The following NDUFAF6 variants were observed in gnomAD, a reference collection of about 807,000 sequenced individuals.
NDUFAF6 encodes the protein NADH:ubiquinone oxidoreductase complex assembly factor 6.
Under a neutral mutation model 40.8 loss-of-function variants are expected in NDUFAF6, and 45 were observed. The ratio of observed to expected loss-of-function variants is 1.10; its 90% confidence interval spans 0.87 to 1.42. NDUFAF6 has a LOEUF of 1.42. Among genes scored for constraint, NDUFAF6 ranks in the 40% most tolerant of loss-of-function variants. The pLI is 0.00. For synonymous variants in NDUFAF6, 185 were observed against 155.9 expected (o/e 1.19, Z -1.39); for missense variants, 435 against 418.5 (o/e 1.04, Z -0.34).
At chr8:95,041,159 G>A (rs142708469) in intron 3 of NDUFAF6, among the ~76,000 whole-genome samples, 2,444 of 152,270 alleles carry the variant, frequency 0.016, 26 homozygotes, top group Non-Finnish European at 0.022. Context: ...GTTGAGGCAG[G>A]AAGATAATTT....
chr8:94,939,591 T>G, intron 1 of NDUFAF6: 1 of 390,448 alleles, frequency 2.6e-6, no homozygotes, highest in Non-Finnish European at 4.9e-6. Flanking sequence ...ACAGACGGGG[T>G]TTCACCATGT....
At chr8:95,086,851 C>T (rs1372348195) in intron 2 of NDUFAF6, among the ~76,000 whole-genome samples, 1 of 152,108 alleles carries the variant, frequency 6.6e-6, no homozygotes, top group Non-Finnish European at 1.5e-5. Context: ...GATCCGCCCG[C>T]CTCCGCCCCC....
At chr8:94,950,313 A>G (rs1822476823) in intron 2 of NDUFAF6, 1 of 152,296 alleles carries the variant, frequency 6.6e-6, no homozygotes, top group African/African-American at 2.4e-5. Context: ...TTTCCAGACC[A>G]AGGCTCTGTC....
At chr8:95,049,850 G>A (rs1198353470) in intron 7 of NDUFAF6, among the ~76,000 whole-genome samples, 1 of 152,130 alleles carries the variant, frequency 6.6e-6, no homozygotes, top group Non-Finnish European at 1.5e-5. Context: ...TGGAATGTAA[G>A]TTACTTTGTT....
chr8:95,069,353 A>G (rs960034804), intron 9 of NDUFAF6: 2 of 151,972 alleles, frequency 1.3e-5, no homozygotes, highest in Non-Finnish European at 2.9e-5. Context: ...TGTTAGATTT[A>G]AAAACTACGG....
chr8:95,097,484 G>A (rs1809505274), upstream of NDUFAF6, among the ~76,000 whole-genome samples: 1 of 152,164 alleles, frequency 6.6e-6, no homozygotes, highest in Admixed American at 6.5e-5. Flanking sequence ...GATCATCTGA[G>A]GTCAGGAGTT....
chr8:94,990,489 T>C (rs1255581145), intron 2 of NDUFAF6, among the ~76,000 whole-genome samples: 2 of 152,222 alleles, frequency 1.3e-5, no homozygotes, highest in Non-Finnish European at 2.9e-5. Context: ...TGATGGGTTC[T>C]TGAGTTCCCT....
upstream of NDUFAF6, among the ~76,000 whole-genome samples, chr8:95,097,102 C>T (rs1000285): frequency 0.22 from 34,224 of 152,168 alleles, 4,835 homozygotes; most frequent in African/African-American, 0.4. Flanking sequence ...TGTACGTTTT[C>T]ATCTCTGGCT....
intron 2 of NDUFAF6, among the ~76,000 whole-genome samples, chr8:94,996,940 A>G (rs1826457558): frequency 6.6e-6 from 1 of 152,144 alleles, no homozygotes; most frequent in Non-Finnish European, 1.5e-5. Context: ...AGCCTCCAGA[A>G]CTGTGAGAAA....
In NDUFAF6 at chr8:95,049,868, GTTGTATATTCTTCAGCATC is replaced by G; in HGVS notation, c.816+1312_816+1330del. Among the ~76,000 whole-genome samples the G allele has an allele frequency of 2.0e-5, 3 of 152,210 alleles. No individual in the cohort carries two copies. In the South Asian group the frequency reaches 6.2e-4, roughly 32 times the overall value. ...AATGTAAGTTACTTTGTTTGATTCTGTTGTATATTCTTCAGCATCTAAAGTACCTGGTACATTATGGGCA... is the reference window on the plus strand; with the variant it reads ...AATGTAAGTTACTTTGTTTGATTCTGTAAAGTACCTGGTACATTATGGGCA... On this transcript the variant is annotated intron_variant, in intron 7 of 8. Coordinates refer to ENST00000396124, the MANE Select transcript of NDUFAF6 (RefSeq NM_152416.4).
At chr8:95,078,160 G>T (rs1808693573), downstream of NDUFAF6, among the ~76,000 whole-genome samples, 1 of 152,148 alleles carries the variant, frequency 6.6e-6, no homozygotes, top group South Asian at 2.1e-4. Context: ...GCATCATGGG[G>T]CCACTGGAGT....
chr8:94,933,173 GC>G (rs1820596104), intron 1 of NDUFAF6, among the ~76,000 whole-genome samples: 2 of 152,156 alleles, frequency 1.3e-5, no homozygotes, highest in Non-Finnish European at 2.9e-5. Flanking sequence ...CCGAGATTGC[GC>G]CGCTGCAATC....
At chr8:94,903,447 C>T (rs1198251797) in intron 1 of NDUFAF6, among the ~76,000 whole-genome samples, 1 of 152,120 alleles carries the variant, frequency 6.6e-6, no homozygotes, top group Admixed American at 6.5e-5. Context: ...ATCTCAGAAA[C>T]AATGTTTTTC....
At chr8:94,953,427 C>G (rs890856490), upstream of NDUFAF6, among the ~76,000 whole-genome samples, 12 of 151,922 alleles carry the variant, frequency 7.9e-5, no homozygotes, top group African/African-American at 2.9e-4. Context: ...AGACATGATA[C>G]AGAATGGCCC....
chr8:95,029,180 T>C (rs944474122), intron 1 of NDUFAF6, among the ~76,000 whole-genome samples: 1 of 152,222 alleles, frequency 6.6e-6, no homozygotes, highest in Admixed American at 6.5e-5. Flanking sequence ...AGACTCATAT[T>C]AAATATTGTT....
chr8:95,093,682 G>T (rs1294457330), intron 2 of NDUFAF6, among the ~76,000 whole-genome samples: 4 of 152,208 alleles, frequency 2.6e-5, no homozygotes, highest in African/African-American at 7.2e-5. Context: ...AGTGTCCTGG[G>T]CTACAGTCCT....
intron 2 of NDUFAF6, among the ~76,000 whole-genome samples, chr8:94,947,303 C>T (rs1477833638): frequency 5.3e-5 from 8 of 150,476 alleles, no homozygotes; most frequent in Admixed American, 2.6e-4. Flanking sequence ...AAAAAAAACC[C>T]GCAAGTTTGA....
At chr8:95,111,848 ATATAT>A (rs1308434198) in intron 4 of NDUFAF6, among the ~76,000 whole-genome samples, 2 of 152,232 alleles carry the variant, frequency 1.3e-5, no homozygotes, top group Admixed American at 1.3e-4. Context: ...ACAAATGACC[ATATAT>A]TATATGAGTT....
intron 1 of NDUFAF6, among the ~76,000 whole-genome samples, chr8:94,966,519 G>A (rs1490436035): frequency 6.6e-6 from 1 of 152,128 alleles, no homozygotes; most frequent in Non-Finnish European, 1.5e-5. Context: ...GCTTGAGCCC[G>A]GAAGTTTGAG....
Sources: gnomAD v4.1 joint callset for allele counts (sites outside exome capture counted in the v4.1 genomes callset) on GRCh38, gnomAD v4.1.1 for gene constraint, MANE v1.5 for transcripts, NCBI Gene and HGNC (gene_info 2026-07-23, HGNC 2026-07-21) for gene names.